Variants in CALN1 observed in about 807,000 individuals in gnomAD.
The protein encoded by CALN1 is calcium-binding protein 8.
In CALN1, 17 loss-of-function variants were observed where a neutral mutation model predicts 30.6. The ratio of observed to expected loss-of-function variants is 0.56; its 90% CI spans 0.38 to 0.83. CALN1 has a LOEUF of 0.83. Among genes scored for constraint, CALN1 ranks in the 40% least tolerant of loss-of-function variants. CALN1 has a pLI of 0.00. For missense variants in CALN1, 291 were observed against 354.9 expected, an observed-to-expected ratio of 0.82 and a Z score of 1.45; for synonymous variants, 156 against 131.4, an observed-to-expected ratio of 1.19 and a Z score of -1.28.
chr7:72,500,242 G>A, the CALN1 span, among the ~76,000 whole-genome samples: 1 of 140,984 alleles, frequency 7.1e-6, no homozygotes, highest in South Asian at 2.3e-4. Context: ...CTCTTTTGTG[G>A]GTCTCATGAA....
At chr7:71,940,939 T>A (rs1158650813) in intron 5 of CALN1, among the ~76,000 whole-genome samples, 1 of 152,162 alleles carries the variant, frequency 6.6e-6, no homozygotes, top group Non-Finnish European at 1.5e-5. Flanking sequence ...GAAGCTTAGT[T>A]TTATACAAAT....
intron 3 of CALN1, among the ~76,000 whole-genome samples, chr7:72,209,338 C>G (rs1278246077): frequency 1.2e-4 from 2 of 16,990 alleles, no homozygotes; most frequent in African/African-American, 5.9e-4. Flanking sequence ...CTTTCCTTCC[C>G]TCTTTCCTTC....
intron 2 of CALN1, among the ~76,000 whole-genome samples, chr7:72,324,147 A>G (rs1383879944): frequency 6.6e-6 from 1 of 152,052 alleles, no homozygotes; most frequent in Admixed American, 6.5e-5. Flanking sequence ...TGGAATCACC[A>G]CTGCCTCCCA....
In CALN1 at chr7:71,787,524, C is replaced by T; in HGVS notation, c.*251G>A. 2.4e-6 allele frequency: 1 copy of T among 412,744 alleles called. No individual in the cohort carries two copies. 25.6% of individuals were successfully genotyped at this position (412,744 alleles called of 1,614,324 possible). On this transcript the variant is annotated 3_prime_UTR_variant, in exon 7 of 7. Transcript: ENST00000395275. ...ATGGTTGAAGCAATAATTTGGAAAT[C>T]CTGGCGATTTATTGCATTAGAAAAC...
intron 5 of CALN1, among the ~76,000 whole-genome samples, chr7:71,994,081 A>AC (rs1242262417): frequency 6.6e-6 from 1 of 152,192 alleles, no homozygotes; most frequent in Non-Finnish European, 1.5e-5. Context: ...CTTGAGTAAT[A>AC]CCCAACCCCT....
intron 5 of CALN1, among the ~76,000 whole-genome samples, chr7:71,968,422 G>T (rs1046437978): frequency 7.9e-5 from 12 of 152,278 alleles, no homozygotes; most frequent in Non-Finnish European, 1.3e-4. Flanking sequence ...CTTCTTTGGA[G>T]TGACAGAAAT....
intron 3 of CALN1, among the ~76,000 whole-genome samples, chr7:72,123,736 A>G (rs1173810779): frequency 2.0e-5 from 3 of 152,196 alleles, no homozygotes; most frequent in African/African-American, 4.8e-5. Flanking sequence ...CTGATAATTG[A>G]TAAAGAGCTG....
intron 2 of CALN1, among the ~76,000 whole-genome samples, chr7:72,373,401 G>A (rs1585606176): frequency 6.6e-6 from 1 of 152,144 alleles, no homozygotes; most frequent in Admixed American, 6.6e-5. Flanking sequence ...AAATTAAAAT[G>A]GTCTGACTTA....
chr7:72,152,183 G>A (rs1039815052), intron 3 of CALN1, among the ~76,000 whole-genome samples: 1 of 151,996 alleles, frequency 6.6e-6, no homozygotes, highest in Non-Finnish European at 1.5e-5. Context: ...TGGGATTACA[G>A]GTGTGAGCCG....
At position 71,881,083 on chromosome 7, in the gene CALN1, C is replaced by T. The variant is rs774707408; in HGVS notation, c.502-70591G>A. 3.3e-5 allele frequency among the ~76,000 whole-genome samples: 5 copies of T among 152,280 alleles called. No homozygotes were observed. The Middle Eastern group carries it at 0.01, about 311-fold the overall frequency. On this transcript the variant is annotated intron_variant, in intron 5 of 6. Transcript: ENST00000395275. ...GAAGGACTTGACTTGCTGAGTCTTC[C>T]GGAATTCATCTTTCTCCCGTGCTGG...
intron 5 of CALN1, among the ~76,000 whole-genome samples, chr7:72,013,680 AT>A (rs1315167135): frequency 1.3e-5 from 2 of 152,194 alleles, no homozygotes; most frequent in Admixed American, 1.3e-4. Flanking sequence ...AATTTTTTCC[AT>A]TTTTTTCTAT....
intron 3 of CALN1, among the ~76,000 whole-genome samples, chr7:72,161,580 G>A (rs965037121): frequency 1.3e-5 from 2 of 152,154 alleles, no homozygotes; most frequent in Non-Finnish European, 2.9e-5. Flanking sequence ...GGTGGCTGGA[G>A]GAAACAGACC....
intron 2 of CALN1, among the ~76,000 whole-genome samples, chr7:72,345,190 A>G (rs1802575079): frequency 6.6e-6 from 1 of 150,904 alleles, no homozygotes; most frequent in Non-Finnish European, 1.5e-5. Flanking sequence ...TAAGAGCATC[A>G]CAGGCATAGA....
At chr7:72,329,602 T>C (rs1801523581) in intron 2 of CALN1, among the ~76,000 whole-genome samples, 1 of 152,202 alleles carries the variant, frequency 6.6e-6, no homozygotes, top group African/African-American at 2.4e-5. Flanking sequence ...TCCGCAGATA[T>C]TTCCCCACTT....
In CALN1 at chr7:72,394,918, A is replaced by G. The variant is rs186241851; in HGVS notation, c.119+8333T>C. The stretch of plus-strand genomic sequence containing the variant: ...AGTGATCCTCCCACCTCAGCCTCCC[A>G]AAGTGCTGGGATTACAGGCATGAGC... On this transcript the variant is annotated intron_variant, in intron 2 of 6. Coordinates refer to ENST00000395275, the MANE Select transcript of CALN1 (RefSeq NM_031468.4). Among the ~76,000 whole-genome samples the G allele has an allele frequency of 3.2e-3, 487 of 152,210 alleles. 1 individual carries two copies. The highest frequency in any genetic ancestry group is 5.5e-3 in the Non-Finnish European group (372 of 67,998).
chr7:72,212,022 A>G (rs929880873), intron 3 of CALN1, among the ~76,000 whole-genome samples: 2 of 152,020 alleles, frequency 1.3e-5, no homozygotes, highest in African/African-American at 4.8e-5. Context: ...ATATCTGATT[A>G]TTTTCCAATT....
chr7:72,382,336 A>G (rs1351864706), intron 2 of CALN1, among the ~76,000 whole-genome samples: 2 of 152,218 alleles, frequency 1.3e-5, no homozygotes, highest in Admixed American at 6.5e-5. Flanking sequence ...GGCAAGAAAT[A>G]AAGAGAATCT....
chr7:72,492,242 T>C, the CALN1 span, among the ~76,000 whole-genome samples: 1 of 152,214 alleles, frequency 6.6e-6, no homozygotes, highest in Non-Finnish European at 1.5e-5. Context: ...AAACTGAGAA[T>C]GAACTTAAAT....
rs533452775 is a variant in CALN1 at position 72,178,447 on chromosome 7, C to T, written c.245-72153G>A. On this transcript the variant is annotated intron_variant, in intron 3 of 6. Coordinates refer to ENST00000395275, the MANE Select transcript of CALN1 (RefSeq NM_031468.4). ...GTGGCTCATGTCTGTAATCCCAGCACTTTGGGAGGCTGAGGTAGGTGAATC... is the reference window on the plus strand; with the variant it reads ...GTGGCTCATGTCTGTAATCCCAGCATTTTGGGAGGCTGAGGTAGGTGAATC... Among the ~76,000 whole-genome samples, 4 of 152,180 alleles carry T rather than the reference C, an allele frequency of 2.6e-5. No homozygotes were observed. The East Asian group carries it at 5.8e-4, about 22-fold the overall frequency.
Sources: gnomAD v4.1 joint callset for allele counts (sites outside exome capture counted in the v4.1 genomes callset) on GRCh38, gnomAD v4.1.1 for gene constraint, MANE v1.5 for transcripts, NCBI Gene and HGNC (gene_info 2026-07-23, HGNC 2026-07-21) for gene names.